The following SLC24A2 variants were observed in gnomAD, a reference collection of about 807,000 sequenced individuals.
The protein encoded by SLC24A2 is solute carrier family 24 member 2.
In SLC24A2, 36 loss-of-function variants were observed where a neutral mutation model predicts 62.0. The observed-to-expected ratio is 0.58, with a 90% CI of 0.44 to 0.77. The LOEUF (loss-of-function observed/expected upper bound fraction) is 0.77. SLC24A2 is among the 30% of genes least tolerant of loss of function. SLC24A2 has a pLI of 0.00. For missense variants in SLC24A2, 846 were observed against 817.9 expected, an observed-to-expected ratio of 1.03 and a Z score of -0.42; for synonymous variants, 358 against 294.0, an observed-to-expected ratio of 1.22 and a Z score of -2.23.
At chr9:20,103,011 G>A in the SLC24A2 span, among the ~76,000 whole-genome samples, 7 of 152,158 alleles carry the variant, frequency 4.6e-5, no homozygotes, top group African/African-American at 7.2e-5. Flanking sequence ...GCGCTTTTCC[G>A]ATGGGCTTAA....
chr9:20,167,006 CTTTT>C, the SLC24A2 span, among the ~76,000 whole-genome samples: 1 of 151,800 alleles, frequency 6.6e-6, no homozygotes, highest in Non-Finnish European at 1.5e-5. Context: ...ACACCCAGCT[CTTTT>C]TTTATTTTTG....
At chr9:19,562,046 C>G (rs1835429154) in intron 7 of SLC24A2, among the ~76,000 whole-genome samples, 1 of 152,172 alleles carries the variant, frequency 6.6e-6, no homozygotes, top group South Asian at 2.1e-4. Context: ...TCTGAAGAGT[C>G]TGGTGAAATG....
chr9:19,972,201 A>T, the SLC24A2 span, among the ~76,000 whole-genome samples: 1 of 152,054 alleles, frequency 6.6e-6, no homozygotes, highest in African/African-American at 2.4e-5. Context: ...AGGGAATAGA[A>T]AGAGAGAGAG....
the SLC24A2 span, among the ~76,000 whole-genome samples, chr9:20,081,734 G>A: frequency 1.3e-5 from 2 of 152,046 alleles, no homozygotes; most frequent in African/African-American, 2.4e-5. Flanking sequence ...GGGTTTGAGA[G>A]GACCTCAACA....
At chr9:20,135,060 A>G in the SLC24A2 span, among the ~76,000 whole-genome samples, 1 of 152,158 alleles carries the variant, frequency 6.6e-6, no homozygotes, top group Non-Finnish European at 1.5e-5. Flanking sequence ...ATCTTTTTAG[A>G]AGCCTCCATG....
At chr9:19,875,633 G>A in the SLC24A2 span, among the ~76,000 whole-genome samples, 1 of 152,172 alleles carries the variant, frequency 6.6e-6, no homozygotes, top group Non-Finnish European at 1.5e-5. Context: ...TTTCAAAATA[G>A]GGCTCAAGAA....
chr9:20,280,005 C>T, the SLC24A2 span, among the ~76,000 whole-genome samples: 1 of 152,202 alleles, frequency 6.6e-6, no homozygotes, highest in South Asian at 2.1e-4. Flanking sequence ...GTGCCCCTGC[C>T]AAACAAATGA....
the SLC24A2 span, among the ~76,000 whole-genome samples, chr9:19,957,012 G>A: frequency 6.6e-6 from 1 of 152,304 alleles, no homozygotes; most frequent in East Asian, 1.9e-4. Flanking sequence ...AATTTCTGAT[G>A]TTTATAAGCC....
At chr9:19,797,355 C>T in the SLC24A2 span, among the ~76,000 whole-genome samples, 1 of 152,318 alleles carries the variant, frequency 6.6e-6, no homozygotes, top group African/African-American at 2.4e-5. Context: ...TTCTGTTTCC[C>T]ACAAGTTCCT....
At chr9:19,732,004 G>A (rs1821353329) in intron 2 of SLC24A2, among the ~76,000 whole-genome samples, 1 of 152,162 alleles carries the variant, frequency 6.6e-6, no homozygotes, top group South Asian at 2.1e-4. Flanking sequence ...AAACATGGAG[G>A]AGAAGCACTG....
the SLC24A2 span, among the ~76,000 whole-genome samples, chr9:20,064,411 T>C: frequency 6.6e-6 from 1 of 152,208 alleles, no homozygotes; most frequent in Admixed American, 6.5e-5. Context: ...GCTTGGGGTT[T>C]GCACATCTTT....
the SLC24A2 span, among the ~76,000 whole-genome samples, chr9:20,008,137 C>T: frequency 3.6e-4 from 54 of 151,952 alleles, no homozygotes; most frequent in Middle Eastern, 3.4e-3. Flanking sequence ...CTCAAGTGAT[C>T]CACCCACCTC....
the SLC24A2 span, among the ~76,000 whole-genome samples, chr9:19,813,700 C>A: frequency 0.01 from 1,571 of 152,212 alleles, 11 homozygotes; most frequent in Middle Eastern, 0.071. Flanking sequence ...GAAACCAAAT[C>A]ATCAAAGTGA....
intron 2 of SLC24A2, among the ~76,000 whole-genome samples, chr9:19,737,188 T>C (rs181848190): frequency 1.3e-5 from 2 of 152,238 alleles, no homozygotes; most frequent in East Asian, 3.9e-4. Context: ...TGAAGACAGA[T>C]AGAGGTCCAC....
chr9:19,679,345 C>T (rs1347944408), intron 2 of SLC24A2, among the ~76,000 whole-genome samples: 1 of 152,136 alleles, frequency 6.6e-6, no homozygotes, highest in Non-Finnish European at 1.5e-5. Flanking sequence ...AACACACCTT[C>T]CTTAGAGGTT....
At chr9:20,242,878 C>A in the SLC24A2 span, among the ~76,000 whole-genome samples, 1 of 152,126 alleles carries the variant, frequency 6.6e-6, no homozygotes, top group African/African-American at 2.4e-5. Flanking sequence ...CTATGCAAAC[C>A]ACATCTCTAA....
At chr9:20,252,384 G>A in the SLC24A2 span, among the ~76,000 whole-genome samples, 1 of 152,152 alleles carries the variant, frequency 6.6e-6, no homozygotes, top group Non-Finnish European at 1.5e-5. Context: ...CACAGAAAAG[G>A]AACCAGCTGA....
At chr9:19,747,382 C>A (rs554840342) in intron 2 of SLC24A2, among the ~76,000 whole-genome samples, 2 of 152,076 alleles carry the variant, frequency 1.3e-5, no homozygotes, top group Admixed American at 6.6e-5. Context: ...AATACACACA[C>A]AATTTGCTTG....
intron 8 of SLC24A2, among the ~76,000 whole-genome samples, chr9:19,536,641 GAAT>G (rs1362022132): frequency 2.2e-4 from 14 of 64,982 alleles, no homozygotes; most frequent in African/African-American, 8.0e-4. Flanking sequence ...TTGCTATTGT[GAAT>G]AATGCCACAA....
Sources: gnomAD v4.1 joint callset for allele counts (sites outside exome capture counted in the v4.1 genomes callset) on GRCh38, gnomAD v4.1.1 for gene constraint, MANE v1.5 for transcripts, NCBI Gene and HGNC (gene_info 2026-07-23, HGNC 2026-07-21) for gene names.